The following CCDC180 variants were observed in gnomAD, a reference collection of about 807,000 sequenced individuals.
The protein encoded by CCDC180 is coiled-coil domain-containing protein 180.
Under a neutral mutation model 209.2 loss-of-function variants are expected in CCDC180, and 154 were observed. The observed-to-expected ratio is 0.74, with a 90% CI of 0.65 to 0.84. The LOEUF (loss-of-function observed/expected upper bound fraction) is 0.84, where lower values mean the gene tolerates loss of function less well. CCDC180 is among the 40% of genes least tolerant of loss of function. The probability of loss-of-function intolerance (pLI) is 0.00; values close to 1 mark genes in which losing one functional copy is unlikely to be tolerated. For synonymous variants in CCDC180, 778 were observed against 749.1 expected (o/e 1.04, Z -0.63); for missense variants, 1,874 against 1,997.3 (o/e 0.94, Z 1.18).
intron 15 of CCDC180, among the ~76,000 whole-genome samples, chr9:97,327,016 A>G (rs1327556925): frequency 1.3e-5 from 2 of 152,158 alleles, no homozygotes; most frequent in African/African-American, 2.4e-5. Context: ...TAAAAATACA[A>G]GAATTAGCCA....
intron 5 of CCDC180, 128 bp from the exon 6 acceptor site, chr9:97,314,265 G>A (rs1003477037): frequency 7.5e-5 from 84 of 1,119,198 alleles, no homozygotes; most frequent in South Asian, 1.2e-4. Context: ...GCCTCAACTC[G>A]TTAGGTCTAG....
At position 97,328,147 on chromosome 9, in the gene CCDC180, G is replaced by C. The variant is rs754488314; in HGVS notation, c.1788+1G>C. 40 of 1,613,146 alleles carry C rather than the reference G, an allele frequency of 2.5e-5. No individual in the cohort carries two copies. Among genetic ancestry groups the C allele is most frequent in the Admixed American group, 3.3e-5 (2 of 59,900 alleles). ...CTTTGTGCGTGAAATCTTTGAACAG[G>C]TATGGAGAGGGTGATGATACACCCA... On this transcript the variant is annotated splice_donor_variant, in intron 16 of 36. Coordinates refer to ENST00000529487, the MANE Select transcript of CCDC180 (RefSeq NM_020893.6). LOFTEE classifies it high-confidence loss of function.
At position 97,340,144 on chromosome 9, in the gene CCDC180, T is replaced by C. The variant is rs564690272; in HGVS notation, c.2275-3196T>C. 2.0e-5 allele frequency among the ~76,000 whole-genome samples: 3 copies of C among 152,348 alleles called. No individual in the cohort carries two copies. The South Asian group carries it at 6.2e-4, about 32-fold the overall frequency. ...CGGAGAATTTTGTTATTACCAACTT[T>C]CTGAAGCCTACTTCTGTCAACTCGT... On this transcript the variant is annotated intron_variant, in intron 18 of 36. Coordinates refer to ENST00000529487, the MANE Select transcript of CCDC180 (RefSeq NM_020893.6).
chr9:97,360,202 C>T, intron 26 of CCDC180, 101 bp downstream of exon 26: 1 of 1,395,552 alleles, frequency 7.2e-7, no homozygotes, highest in Admixed American at 2.1e-5. Flanking sequence ...AGAGGGGACT[C>T]CCAGGCCTCC....
intron 8 of CCDC180, among the ~76,000 whole-genome samples, chr9:97,315,264 A>G (rs1307543002): frequency 6.6e-6 from 1 of 152,188 alleles, no homozygotes; most frequent in African/African-American, 2.4e-5. Flanking sequence ...GTCATGTCTC[A>G]GCAACTGTGT....
chr9:97,312,145 G>A lies in CCDC180; in HGVS notation c.293G>A (p.Arg98Gln), dbSNP rs774386671. The change falls in exon 4 of 37, where the codon CGA (arginine) becomes CAA (glutamine). Residue 98 changes from arginine to glutamine, a missense_variant. Coordinates refer to ENST00000529487, the MANE Select transcript of CCDC180 (RefSeq NM_020893.6). Reference sequence around the variant, plus strand: ...GAAAGAGCCAAGAGGGAAAAAGCCCGAGAGAGTGAGAACACCATCGCTGCC... The same window carrying A: ...GAAAGAGCCAAGAGGGAAAAAGCCCAAGAGAGTGAGAACACCATCGCTGCC... Reference protein sequence around the residue: ...EKERAKREKARESENTIAARE... With the variant: ...EKERAKREKAQESENTIAARE... 1.3e-5 allele frequency: 21 copies of A among 1,613,976 alleles called. No individual in the cohort carries two copies. The highest frequency in any genetic ancestry group is 1.6e-4 in the Middle Eastern group (1 of 6,084).
chr9:97,365,957 A>G (rs1173767957), intron 30 of CCDC180, among the ~76,000 whole-genome samples: 1 of 152,250 alleles, frequency 6.6e-6, no homozygotes, highest in Non-Finnish European at 1.5e-5. Flanking sequence ...TTTCTTAGAT[A>G]TCAACTGCAT....
chr9:97,354,858 G>A (rs1826529004), intron 23 of CCDC180, 34 bp from the exon 24 acceptor site: 1 of 1,572,894 alleles, frequency 6.4e-7, no homozygotes, highest in Non-Finnish European at 8.7e-7. Flanking sequence ...TCCAAATTAA[G>A]CCCCTGTCCT....
chr9:97,339,272 G>A (rs910402822), intron 18 of CCDC180, among the ~76,000 whole-genome samples: 1 of 152,174 alleles, frequency 6.6e-6, no homozygotes, highest in African/African-American at 2.4e-5. Context: ...TTTACAATTT[G>A]GCATGTTTTT....
chr9:97,318,332 A>G, intron 9 of CCDC180, 131 bp from the exon 10 acceptor site: 1 of 982,018 alleles, frequency 1.0e-6, no homozygotes. Flanking sequence ...TCTGGGGAGG[A>G]AGGGGCTGGG....
At position 97,312,302 on chromosome 9, in the gene CCDC180, T is replaced by C; in HGVS notation, c.349+101T>C. On this transcript the variant is annotated intron_variant, in intron 4 of 36. Coordinates refer to ENST00000529487, the MANE Select transcript of CCDC180 (RefSeq NM_020893.6). Reference sequence around the variant, plus strand: ...CTGGCAACTCCTCTGAGGAAGGCCCTGAGCTCCCACTGTGTTCCTCGGCTC... The same window carrying C: ...CTGGCAACTCCTCTGAGGAAGGCCCCGAGCTCCCACTGTGTTCCTCGGCTC... 3 of 971,170 alleles carry C rather than the reference T, an allele frequency of 3.1e-6. No individual in the cohort carries two copies. In the East Asian group the frequency reaches 7.6e-5, roughly 25 times the overall value. The allele number at this position is 971,170 out of a possible 1,614,324, so 60.2% of individuals were successfully genotyped here.
intron 18 of CCDC180, among the ~76,000 whole-genome samples, chr9:97,339,736 A>G (rs1351899519): frequency 1.3e-5 from 2 of 152,298 alleles, no homozygotes; most frequent in African/African-American, 4.8e-5. Flanking sequence ...TCTCCTGGAT[A>G]ATATCCTGAA....
Position 97,326,795 on chromosome 9 carries a change from GA to G in CCDC180, c.1661+129del, listed in dbSNP as rs2118654995. On this transcript the variant is annotated intron_variant, in intron 15 of 36. Coordinates refer to ENST00000529487, the MANE Select transcript of CCDC180 (RefSeq NM_020893.6). ...GATGAAAATTGTGCCTCTCACTTTA[GA>G]AAGCATGTGGCCCTCTGCAGCTCTA... 3 of 633,946 alleles carry G rather than the reference GA, an allele frequency of 4.7e-6. No homozygotes were observed. The East Asian group carries it at 8.2e-5, about 17-fold the overall frequency. The allele number at this position is 633,946 out of a possible 1,614,324, so 39.3% of individuals were successfully genotyped here.
chr9:97,357,774 T>C (rs1366305577), intron 25 of CCDC180, 49 bp downstream of exon 25: 2 of 1,383,906 alleles, frequency 1.4e-6, no homozygotes, highest in Non-Finnish European at 2.0e-6. Flanking sequence ...TATATCATGC[T>C]AAAGTCATAA....
At chr9:97,316,254 T>G (rs1331149720) in intron 8 of CCDC180, among the ~76,000 whole-genome samples, 1 of 152,236 alleles carries the variant, frequency 6.6e-6, no homozygotes, top group Non-Finnish European at 1.5e-5. Flanking sequence ...ACAAAATCCC[T>G]ATGCTATAAA....
chr9:97,347,376 G>A lies in CCDC180; in HGVS notation c.2561G>A (p.Arg854Gln), dbSNP rs969172119. The change falls in exon 20 of 37, where the codon CGG becomes CAG. Residue 854 changes from arginine to glutamine, a missense_variant. Physicochemically the swap from Arg to Gln is conservative, Grantham distance 43. Coordinates refer to ENST00000529487, the MANE Select transcript of CCDC180 (RefSeq NM_020893.6). ...KWFDQCSLNT[R>Q]VTVATKINEL... Reference sequence around the variant, plus strand: ...TTTGACCAGTGTTCCCTCAACACCCGGGTCACCGTGGCCACCAAAATCAAT... The same window carrying A: ...TTTGACCAGTGTTCCCTCAACACCCAGGTCACCGTGGCCACCAAAATCAAT... 2.3e-5 allele frequency: 36 copies of A among 1,536,080 alleles called. No homozygotes were observed. In the Admixed American group the frequency reaches 2.4e-4, roughly 10 times the overall value.
At chr9:97,320,349 C>A in intron 11 of CCDC180, 144 bp downstream of exon 11, 1 of 729,714 alleles carries the variant, frequency 1.4e-6, no homozygotes, top group Non-Finnish European at 2.3e-6. Flanking sequence ...TCTGAGGGCT[C>A]AAAAGGCCCC....
intron 18 of CCDC180, among the ~76,000 whole-genome samples, chr9:97,337,463 G>C (rs1218768672): frequency 6.7e-6 from 1 of 149,470 alleles, no homozygotes; most frequent in African/African-American, 2.4e-5. Flanking sequence ...GATGGATTAC[G>C]TTTATTGATT....
chr9:97,327,234 A>C (rs1195030190), intron 15 of CCDC180, among the ~76,000 whole-genome samples: 2 of 152,192 alleles, frequency 1.3e-5, no homozygotes, highest in African/African-American at 2.4e-5. Flanking sequence ...TAACCACTGC[A>C]AACATATAGA....
Sources: gnomAD v4.1 joint callset for allele counts (sites outside exome capture counted in the v4.1 genomes callset) on GRCh38, gnomAD v4.1.1 for gene constraint, MANE v1.5 for transcripts, NCBI Gene and HGNC (gene_info 2026-07-23, HGNC 2026-07-21) for gene names.